The following KLF5 variants were observed in gnomAD, a reference collection of about 807,000 sequenced individuals.
KLF5 encodes KLF transcription factor 5.
In KLF5, 9 loss-of-function variants were observed where a neutral mutation model predicts 36.9. The observed-to-expected ratio is 0.24, with a 90% confidence interval of 0.15 to 0.43. The LOEUF is 0.43. Ranked by LOEUF, KLF5 falls within the 20% of genes least tolerant of loss-of-function variation. The pLI, the probability that KLF5 is intolerant of heterozygous loss-of-function variation, is 1.00. For synonymous variants in KLF5, 246 were observed against 241.7 expected (o/e 1.02, Z -0.17); for missense variants, 524 against 599.5 (o/e 0.87, Z 1.31).
chr13:73,074,303 A>G (rs1424858486), intron 3 of KLF5, among the ~76,000 whole-genome samples: 25 of 152,192 alleles, frequency 1.6e-4, no homozygotes, highest in Non-Finnish European at 2.9e-5. Context: ...ATACTGCTAA[A>G]TTAGGCAGAA....
intron 1 of KLF5, among the ~76,000 whole-genome samples, chr13:73,061,413 T>C (rs1024038791): frequency 1.3e-5 from 2 of 151,302 alleles, no homozygotes; most frequent in Non-Finnish European, 3.0e-5. Context: ...CATCGTTTTT[T>C]CTATTAAAAA....
At position 73,075,970 on chromosome 13, in the gene KLF5, C is replaced by CAAAAAAAA; in HGVS notation, c.*87_*88insAAAAAAAA. Reference sequence around the variant, plus strand: ...TATTCCTGTGTAAAAACAACAAAAACAAACAAAAGCAAGAAAACCACAACT... The same window carrying CAAAAAAAA: ...TATTCCTGTGTAAAAACAACAAAAACAAAAAAAAAAACAAAAGCAAGAAAACCACAACT... On this transcript the variant is annotated 3_prime_UTR_variant, in exon 4 of 4. Transcript: ENST00000377687. The CAAAAAAAA allele has an allele frequency of 9.4e-7, 1 of 1,063,506 alleles. No individual in the cohort carries two copies. Among genetic ancestry groups the CAAAAAAAA allele is most frequent in the South Asian group, 2.6e-5 (1 of 38,198 alleles). The allele number at this position is 1,063,506 out of a possible 1,614,324, so 65.9% of individuals were successfully genotyped here.
chr13:73,066,768 C>T (rs1472002915), intron 3 of KLF5, among the ~76,000 whole-genome samples: 1 of 152,070 alleles, frequency 6.6e-6, no homozygotes, highest in Non-Finnish European at 1.5e-5. Context: ...GATGATATAT[C>T]AGTTTCTTAA....
chr13:73,067,612 A>G (rs3782933), intron 3 of KLF5, among the ~76,000 whole-genome samples: 50,293 of 151,868 alleles, frequency 0.33, 9,630 homozygotes, highest in East Asian at 0.7. Context: ...CGTTTCAGCT[A>G]TCTGGAACAG....
intron 2 of KLF5, among the ~76,000 whole-genome samples, chr13:73,063,145 G>T (rs2044652306): frequency 6.6e-6 from 1 of 152,170 alleles, no homozygotes; most frequent in Non-Finnish European, 1.5e-5. Context: ...GCCCCAGAAA[G>T]AGATTAAAGT....
At position 73,059,479 on chromosome 13, in the gene KLF5, T is replaced by A; in HGVS notation, c.152T>A (p.Leu51Gln). Reference sequence around the variant, plus strand: ...GCGGCGCTCTTCCCCGGCGAGGAGCTGAAGCACGCGCACCACCGCCCGCAG... The same window carrying A: ...GCGGCGCTCTTCCCCGGCGAGGAGCAGAAGCACGCGCACCACCGCCCGCAG... ...RDAALFPGEE[L>Q]KHAHHRPQAQ... The change falls in exon 1 of 4, where the codon CTG (leucine) becomes CAG (glutamine). Residue 51 changes from leucine (L) to glutamine (Q), a missense_variant. Coordinates refer to ENST00000377687, the MANE Select transcript of KLF5 (RefSeq NM_001730.5). 1 of 1,256,794 alleles carries A rather than the reference T, an allele frequency of 8.0e-7. No homozygotes were observed. Among genetic ancestry groups the A allele is most frequent in the Non-Finnish European group, 1.0e-6 (1 of 1,002,322 alleles). 77.9% of individuals were successfully genotyped at this position (1,256,794 alleles called of 1,614,324 possible).
chr13:73,063,951 G>T (rs1435692403), intron 3 of KLF5, 68 bp downstream of exon 3: 8 of 888,420 alleles, frequency 9.0e-6, no homozygotes, highest in Non-Finnish European at 5.4e-6. Context: ...CCTTTTAAAA[G>T]CTAACACGTG....
intron 2 of KLF5, among the ~76,000 whole-genome samples, chr13:73,063,015 A>ATT (rs148429695): frequency 2.8e-4 from 42 of 150,690 alleles, no homozygotes; most frequent in African/African-American, 9.7e-4. Flanking sequence ...GTTCCCTTGG[A>ATT]TTTTTTTTTC....
intron 3 of KLF5, among the ~76,000 whole-genome samples, chr13:73,070,316 C>T (rs2044713511): frequency 6.6e-6 from 1 of 151,998 alleles, no homozygotes; most frequent in Non-Finnish European, 1.5e-5. Flanking sequence ...TCATTCCATA[C>T]TGGGAAAAAA....
intron 3 of KLF5, among the ~76,000 whole-genome samples, chr13:73,070,991 A>G (rs1448943463): frequency 6.6e-6 from 1 of 152,208 alleles, no homozygotes; most frequent in African/African-American, 2.4e-5. Context: ...CCTTTTCTTT[A>G]ATCAGAATAA....
intron 2 of KLF5, 87 bp downstream of exon 2, chr13:73,062,821 G>A (rs1257393708): frequency 1.0e-5 from 12 of 1,190,198 alleles, no homozygotes; most frequent in African/African-American, 4.7e-5. Flanking sequence ...GTGTGTGCAC[G>A]CGCGTGCCCT....
rs961464060 is a variant in KLF5, at chr13:73,065,769, T to C, written c.1195+1886T>C. On this transcript the variant is annotated intron_variant, in intron 3 of 3. Coordinates refer to ENST00000377687, the MANE Select transcript of KLF5 (RefSeq NM_001730.5). ...AGAGATAGGAGGGAACACATTTTCCTGGGTTTAAAGTCTCCTAATAAAAGA... is the reference window on the plus strand; with the variant it reads ...AGAGATAGGAGGGAACACATTTTCCCGGGTTTAAAGTCTCCTAATAAAAGA... Among the ~76,000 whole-genome samples, 10 of 152,336 alleles carry C rather than the reference T, an allele frequency of 6.6e-5. 1 individual carries two copies. The highest frequency in any genetic ancestry group is 2.4e-4 in the African/African-American group (10 of 41,574).
upstream of KLF5, among the ~76,000 whole-genome samples, chr13:73,055,993 G>A (rs760021244): frequency 2.0e-5 from 3 of 152,102 alleles, no homozygotes; most frequent in African/African-American, 4.8e-5. Flanking sequence ...TTGCCGTGTC[G>A]TTGTGTGAAC....
intron 3 of KLF5, chr13:73,074,913 T>C (rs910250401): frequency 1.3e-5 from 2 of 152,240 alleles, no homozygotes; most frequent in Non-Finnish European, 2.9e-5. Context: ...GCGAATTGTT[T>C]ATGGAATGAA....
At chr13:73,065,908 C>T (rs892635375) in intron 3 of KLF5, among the ~76,000 whole-genome samples, 2 of 152,130 alleles carry the variant, frequency 1.3e-5, no homozygotes, top group Non-Finnish European at 2.9e-5. Flanking sequence ...CTTATACCTG[C>T]GATTCAGGAA....
At chr13:73,074,626 G>A (rs2044746795) in intron 3 of KLF5, among the ~76,000 whole-genome samples, 1 of 152,104 alleles carries the variant, frequency 6.6e-6, no homozygotes, top group South Asian at 2.1e-4. Context: ...AGAGAATTAA[G>A]ACTACATTAT....
intron 3 of KLF5, among the ~76,000 whole-genome samples, chr13:73,067,691 A>G (rs904327521): frequency 1.3e-5 from 2 of 152,094 alleles, no homozygotes; most frequent in Non-Finnish European, 2.9e-5. Flanking sequence ...TATTCCTCAG[A>G]CCCAGACTCC....
chr13:73,063,504 T>G (rs1308808805), intron 2 of KLF5, among the ~76,000 whole-genome samples: 1 of 152,198 alleles, frequency 6.6e-6, no homozygotes, highest in Non-Finnish European at 1.5e-5. Flanking sequence ...CTAGAGCCAT[T>G]AAAATTTTTA....
Position 73,062,632 on chromosome 13 carries a change from A to G in KLF5, c.1033A>G (p.Thr345Ala). The change falls in exon 2 of 4, where the codon ACC becomes GCC. Residue 345 changes from threonine to alanine, a missense_variant. Physicochemically the swap from Thr to Ala is moderately conservative, Grantham distance 58. Transcript: ENST00000377687. ...GGCAATTCACAATCCAAATTTACCC[A>G]CCACCCTGCCAGTTAACTCACAAAA... ...KLAIHNPNLP[T>A]TLPVNSQNIQ... 6.2e-7 allele frequency: 1 copy of G among 1,614,084 alleles called. No individual in the cohort carries two copies. Among genetic ancestry groups the G allele is most frequent in the Non-Finnish European group, 8.5e-7 (1 of 1,179,992 alleles).
Sources: gnomAD v4.1 joint callset for allele counts (sites outside exome capture counted in the v4.1 genomes callset) on GRCh38, gnomAD v4.1.1 for gene constraint, MANE v1.5 for transcripts, NCBI Gene and HGNC (gene_info 2026-07-23, HGNC 2026-07-21) for gene names.